SNX6: variants seen among roughly 807,000 people sequenced by gnomAD.
SNX6 encodes sorting nexin-6.
In SNX6, 34 loss-of-function variants were observed where a neutral mutation model predicts 63.0. The observed-to-expected ratio is 0.54, with a 90% CI of 0.41 to 0.72. The LOEUF is 0.72. SNX6 is among the 30% of genes least tolerant of loss of function. The probability of loss-of-function intolerance (pLI) is 0.00; values close to 1 mark genes in which losing one functional copy is unlikely to be tolerated. For synonymous variants in SNX6, 170 were observed against 164.2 expected, an observed-to-expected ratio of 1.04 and a Z score of -0.27; for missense variants, 398 against 471.4, an observed-to-expected ratio of 0.84 and a Z score of 1.44.
rs566026283 is a variant in SNX6, at chr14:34,593,208, T to C, written c.613-58A>G. The C allele has an allele frequency of 4.1e-6, 4 of 974,138 alleles. No homozygotes were observed. The East Asian group carries it at 1.1e-4, about 26-fold the overall frequency. 60.3% of individuals were successfully genotyped at this position (974,138 alleles called of 1,614,324 possible). On this transcript the variant is annotated intron_variant, in intron 7 of 13. Coordinates refer to ENST00000362031, the MANE Select transcript of SNX6 (RefSeq NM_152233.4). Reference sequence around the variant, plus strand: ...CACTTATTTGCTTTAGTTTTATATGTAAATAACTATCATTATAAATATAAA... The same window carrying C: ...CACTTATTTGCTTTAGTTTTATATGCAAATAACTATCATTATAAATATAAA...
At chr14:34,627,464 A>AG (rs1428927937) in intron 2 of SNX6, among the ~76,000 whole-genome samples, 2 of 152,102 alleles carry the variant, frequency 1.3e-5, no homozygotes, top group Non-Finnish European at 2.9e-5. Context: ...AAAAAAAAAA[A>AG]AAATTGTTTT....
At chr14:34,591,307 T>C (rs941547538) in intron 8 of SNX6, among the ~76,000 whole-genome samples, 10 of 152,166 alleles carry the variant, frequency 6.6e-5, no homozygotes, top group Non-Finnish European at 1.5e-4. Flanking sequence ...CATTATGCAC[T>C]TGGCCGTTTA....
chr14:34,606,626 A>AT (rs1883032156), intron 4 of SNX6, among the ~76,000 whole-genome samples: 1 of 151,604 alleles, frequency 6.6e-6, no homozygotes, highest in South Asian at 2.1e-4. Flanking sequence ...CTAATTTTGT[A>AT]TTTTTAGTAG....
intron 2 of SNX6, among the ~76,000 whole-genome samples, chr14:34,615,950 T>C (rs894948988): frequency 6.6e-6 from 1 of 152,128 alleles, no homozygotes; most frequent in Non-Finnish European, 1.5e-5. Flanking sequence ...GAAATAGGAA[T>C]GTCCTTTTTT....
chr14:34,594,087 T>C (rs900331509), intron 7 of SNX6, among the ~76,000 whole-genome samples: 9 of 152,186 alleles, frequency 5.9e-5, no homozygotes, highest in Non-Finnish European at 1.2e-4. Context: ...TGCTCTTCAA[T>C]AAACATATTA....
At chr14:34,606,466 T>TGG (rs397820895) in intron 4 of SNX6, among the ~76,000 whole-genome samples, 3 of 149,434 alleles carry the variant, frequency 2.0e-5, no homozygotes, top group African/African-American at 7.4e-5. Flanking sequence ...TTTTTTTTTT[T>TGG]GGGGGGATGG....
rs74815138 is a variant in SNX6, at chr14:34,623,758, G to A, written c.54+6149C>T. On this transcript the variant is annotated intron_variant, in intron 2 of 13. Coordinates refer to ENST00000362031, the MANE Select transcript of SNX6 (RefSeq NM_152233.4). ...AAGTGATGCTATTAATGAAGATAAG[G>A]AATACAAAGGTAGGAGCAAGGCTAC... 3.7e-3 allele frequency among the ~76,000 whole-genome samples: 567 copies of A among 152,316 alleles called. 5 individuals carry two copies. The highest frequency in any genetic ancestry group is 0.013 in the African/African-American group (540 of 41,572).
chr14:34,568,013 C>T lies in SNX6; in HGVS notation c.922G>A (p.Asp308Asn), dbSNP rs778640726. Residue 308 changes from aspartate (D) to asparagine (N), a missense_variant and splice_region_variant, in exon 12 of 14, where the codon GAT (aspartate) becomes AAT (asparagine). By Grantham distance (23) the Asp-to-Asn change is conservative (BLOSUM62 1). Coordinates refer to ENST00000362031, the MANE Select transcript of SNX6 (RefSeq NM_152233.4). Reference protein sequence around the residue: ...YYLRESQAAKDLLYRRSRSLV... With the variant: ...YYLRESQAAKNLLYRRSRSLV... ...GACCTAGACCTTCGATACAGGAGAT[C>T]CTATAAAACAGAATGCTTCACAATA... The T allele has an allele frequency of 6.2e-6, 10 of 1,609,900 alleles. No individual in the cohort carries two copies. Among genetic ancestry groups the T allele is most frequent in the African/African-American group, 5.4e-5 (4 of 74,694 alleles).
At chr14:34,594,969 A>G (rs1249896489) in intron 7 of SNX6, among the ~76,000 whole-genome samples, 2 of 152,016 alleles carry the variant, frequency 1.3e-5, no homozygotes, top group Non-Finnish European at 2.9e-5. Flanking sequence ...GCACGTACCT[A>G]TAGTTCCAGC....
intron 11 of SNX6, 116 bp from the exon 12 acceptor site, chr14:34,568,129 A>C: frequency 4.0e-6 from 3 of 755,918 alleles, no homozygotes; most frequent in South Asian, 2.5e-5. Context: ...TGAATACTAC[A>C]TGCCAGTTAC....
intron 10 of SNX6, among the ~76,000 whole-genome samples, chr14:34,580,276 A>C (rs1449231511): frequency 6.6e-6 from 1 of 152,200 alleles, no homozygotes; most frequent in Non-Finnish European, 1.5e-5. Context: ...AGGAGGAGAC[A>C]GGGCATCTGG....
chr14:34,594,674 T>C (rs554623989), intron 7 of SNX6, among the ~76,000 whole-genome samples: 1 of 152,184 alleles, frequency 6.6e-6, no homozygotes, highest in South Asian at 2.1e-4. Context: ...AAAATAAAAT[T>C]AATAGTATTT....
intron 10 of SNX6, among the ~76,000 whole-genome samples, chr14:34,577,792 G>C (rs1250901895): frequency 6.6e-6 from 1 of 152,140 alleles, no homozygotes; most frequent in African/African-American, 2.4e-5. Flanking sequence ...AGAATCATTA[G>C]TAACAGTATT....
In SNX6 at chr14:34,598,805, C is replaced by T. The variant is rs151329983; in HGVS notation, c.517-1160G>A. On this transcript the variant is annotated intron_variant, in intron 6 of 13. Transcript: ENST00000362031. ...AGGCTGAGGTGGGAGGATCATTTGA[C>T]GCCAGGAGTTTGAGGCTGCAATGTG... Among the ~76,000 whole-genome samples, 64 of 152,208 alleles carry T rather than the reference C, an allele frequency of 4.2e-4. 2 individuals are homozygous for T. In the East Asian group the frequency reaches 0.011, roughly 26 times the overall value.
intron 4 of SNX6, 122 bp from the exon 5 acceptor site, chr14:34,605,839 G>A: frequency 3.3e-6 from 4 of 1,203,952 alleles, no homozygotes; most frequent in East Asian, 5.3e-5. Context: ...CTGAACACCA[G>A]GAACACCCAA....
intron 11 of SNX6, chr14:34,568,935 C>A: frequency 7.5e-7 from 1 of 1,328,604 alleles, no homozygotes. Flanking sequence ...CCCAGAGGTA[C>A]AGGTGCCACG....
At chr14:34,621,505 C>G (rs1302290829) in intron 2 of SNX6, among the ~76,000 whole-genome samples, 1 of 152,184 alleles carries the variant, frequency 6.6e-6, no homozygotes, top group Non-Finnish European at 1.5e-5. Context: ...TGAGTGCCCT[C>G]AATGTATCAA....
intron 2 of SNX6, 77 bp downstream of exon 2, chr14:34,629,830 C>G: frequency 6.5e-7 from 1 of 1,542,478 alleles, no homozygotes; most frequent in Admixed American, 2.0e-5. Context: ...GGGGACCCAT[C>G]CCCGTACCAC....
chr14:34,596,733 G>C (rs540800408), intron 7 of SNX6, among the ~76,000 whole-genome samples: 1 of 151,520 alleles, frequency 6.6e-6, no homozygotes, highest in South Asian at 2.1e-4. Context: ...GCCCAGGCTG[G>C]AGTGCAGTGG....
Sources: gnomAD v4.1 joint callset for allele counts (sites outside exome capture counted in the v4.1 genomes callset) on GRCh38, gnomAD v4.1.1 for gene constraint, MANE v1.5 for transcripts, NCBI Gene and HGNC (gene_info 2026-07-23, HGNC 2026-07-21) for gene names.